DNAJB6: variants seen among roughly 807,000 people sequenced by gnomAD.
DNAJB6 encodes DnaJ heat shock protein family (Hsp40) member B6.
DNAJB6 carries 16 observed loss-of-function variants against 42.7 expected under a neutral mutation model. The ratio of observed to expected loss-of-function variants is 0.37; its 90% confidence interval spans 0.25 to 0.57. The LOEUF (loss-of-function observed/expected upper bound fraction) is 0.57. DNAJB6 is among the 20% of genes least tolerant of loss of function. The probability of loss-of-function intolerance (pLI) is 0.74; values close to 1 mark genes in which losing one functional copy is unlikely to be tolerated. For synonymous variants in DNAJB6, 170 were observed against 163.5 expected (o/e 1.04, Z -0.30); for missense variants, 347 against 416.8 (o/e 0.83, Z 1.46).
At chr7:157,394,471 G>A (rs1801491019) in intron 8 of DNAJB6, among the ~76,000 whole-genome samples, 1 of 151,918 alleles carries the variant, frequency 6.6e-6, no homozygotes, top group Admixed American at 6.6e-5. Flanking sequence ...CGAGGCTACA[G>A]TGAGTCGTGA....
intron 8 of DNAJB6, among the ~76,000 whole-genome samples, chr7:157,395,006 G>C (rs1801515402): frequency 6.6e-6 from 1 of 152,112 alleles, no homozygotes; most frequent in African/African-American, 2.4e-5. Flanking sequence ...TGCGAGGATT[G>C]CTTGAGCTGG....
chr7:157,356,066 T>A (rs939264920), intron 1 of DNAJB6, among the ~76,000 whole-genome samples: 12 of 152,216 alleles, frequency 7.9e-5, no homozygotes, highest in African/African-American at 2.7e-4. Context: ...GTGTGCTTGG[T>A]GTGTGGCACA....
chr7:157,362,312 A>G (rs1490991125), intron 2 of DNAJB6, among the ~76,000 whole-genome samples: 2 of 152,232 alleles, frequency 1.3e-5, no homozygotes, highest in Non-Finnish European at 2.9e-5. Flanking sequence ...GGGAATCAGA[A>G]CATGGAAGGA....
intron 6 of DNAJB6, among the ~76,000 whole-genome samples, chr7:157,383,610 T>TG (rs1491399333): frequency 1.3e-4 from 11 of 82,854 alleles, no homozygotes; most frequent in African/African-American, 4.4e-4. Context: ...TGTATGTGTG[T>TG]TTGTGTGTGT....
chr7:157,370,267 G>A lies in DNAJB6; in HGVS notation c.346+2784G>A, dbSNP rs182505962. Among the ~76,000 whole-genome samples the A allele has an allele frequency of 4.1e-4, 60 of 145,544 alleles. 1 individual carries two copies. The highest frequency in any genetic ancestry group is 1.5e-3 in the African/African-American group (58 of 38,858). ...CCTTTCTTAACATTATTATTAAACC[G>A]GCCTTTCATTAACGTTATTATTAAA... On this transcript the variant is annotated intron_variant, in intron 5 of 9. Transcript: ENST00000262177.
intron 8 of DNAJB6, among the ~76,000 whole-genome samples, chr7:157,404,671 C>T (rs550527337): frequency 1.6e-4 from 24 of 152,028 alleles, no homozygotes; most frequent in African/African-American, 1.9e-4. Context: ...CCACCACACC[C>T]GACTAATTTT....
At chr7:157,403,200 A>G (rs1795603689) in intron 8 of DNAJB6, among the ~76,000 whole-genome samples, 1 of 152,112 alleles carries the variant, frequency 6.6e-6, no homozygotes, top group African/African-American at 2.4e-5. Context: ...CTGAATACAC[A>G]ATCCACATAT....
intron 1 of DNAJB6, among the ~76,000 whole-genome samples, chr7:157,344,794 G>A (rs753429027): frequency 2.0e-5 from 3 of 151,822 alleles, no homozygotes; most frequent in East Asian, 1.9e-4. Flanking sequence ...TTTATATTTC[G>A]TAGAGACAAG....
intron 9 of DNAJB6, 180 bp downstream of exon 9, chr7:157,410,181 C>T (rs1563154261): frequency 3.6e-6 from 5 of 1,377,778 alleles, no homozygotes; most frequent in Non-Finnish European, 4.7e-6. Flanking sequence ...CGGCGCCCCA[C>T]GCCACGGTGG....
intron 8 of DNAJB6, among the ~76,000 whole-genome samples, chr7:157,390,187 T>C (rs954942895): frequency 2.0e-5 from 3 of 152,032 alleles, no homozygotes; most frequent in East Asian, 1.9e-4. Flanking sequence ...CTGCCTGGAG[T>C]GTAGAGCAGA....
intron 8 of DNAJB6, among the ~76,000 whole-genome samples, chr7:157,398,187 C>A (rs776465542): frequency 6.6e-6 from 1 of 152,230 alleles, no homozygotes; most frequent in Non-Finnish European, 1.5e-5. Flanking sequence ...GGAGTCTGTC[C>A]ACCCTTGAGC....
At chr7:157,350,339 A>C (rs1798904099) in intron 1 of DNAJB6, among the ~76,000 whole-genome samples, 1 of 152,202 alleles carries the variant, frequency 6.6e-6, no homozygotes, top group Non-Finnish European at 1.5e-5. Context: ...AAACTTGCCA[A>C]GATAAAGCCC....
At chr7:157,361,764 TCATTCATTCATG>T (rs1231899198) in intron 2 of DNAJB6, among the ~76,000 whole-genome samples, 2 of 152,112 alleles carry the variant, frequency 1.3e-5, no homozygotes, top group Non-Finnish European at 2.9e-5. Flanking sequence ...ATTCATTCAT[TCATTCATTCATG>T]CATTCATGTT....
intron 1 of DNAJB6, among the ~76,000 whole-genome samples, chr7:157,338,593 C>G (rs1798173369): frequency 6.6e-6 from 1 of 152,204 alleles, no homozygotes; most frequent in Non-Finnish European, 1.5e-5. Flanking sequence ...CTCGGCCTCC[C>G]AAAGTGTTGG....
At chr7:157,373,762 C>T (rs755041420) in intron 5 of DNAJB6, among the ~76,000 whole-genome samples, 4 of 152,004 alleles carry the variant, frequency 2.6e-5, no homozygotes, top group South Asian at 2.1e-4. Flanking sequence ...TATCATTACA[C>T]GGCGCTACAG....
intron 5 of DNAJB6, 111 bp from the exon 6 acceptor site, chr7:157,382,135 T>G: frequency 1.6e-6 from 2 of 1,277,584 alleles, no homozygotes; most frequent in Admixed American, 6.1e-5. Flanking sequence ...CCTCTTAAGT[T>G]TTTTGTTCCT....
intron 5 of DNAJB6, among the ~76,000 whole-genome samples, chr7:157,375,238 G>C (rs1174081960): frequency 6.6e-6 from 1 of 152,228 alleles, no homozygotes; most frequent in Non-Finnish European, 1.5e-5. Flanking sequence ...CCATCTGCGA[G>C]TAGGGCTCAG....
At chr7:157,351,923 G>GT (rs1799002222) in intron 1 of DNAJB6, among the ~76,000 whole-genome samples, 1 of 152,112 alleles carries the variant, frequency 6.6e-6, no homozygotes, top group Non-Finnish European at 1.5e-5. Context: ...AACCCGGGAG[G>GT]TGGGGAGGTT....
At chr7:157,349,608 G>T (rs546186356) in intron 1 of DNAJB6, among the ~76,000 whole-genome samples, 1 of 151,954 alleles carries the variant, frequency 6.6e-6, no homozygotes, top group East Asian at 1.9e-4. Context: ...TCAGCCTCCC[G>T]AGTAGCTGGG....
Sources: gnomAD v4.1 joint callset for allele counts (sites outside exome capture counted in the v4.1 genomes callset) on GRCh38, gnomAD v4.1.1 for gene constraint, MANE v1.5 for transcripts, NCBI Gene and HGNC (gene_info 2026-07-23, HGNC 2026-07-21) for gene names.